Variants in LPP observed in about 807,000 individuals in gnomAD.
LPP encodes lipoma-preferred partner.
Under a neutral mutation model 60.4 loss-of-function variants are expected in LPP, and 38 were observed. The ratio of observed to expected loss-of-function variants is 0.63; its 90% confidence interval spans 0.49 to 0.83. The LOEUF (loss-of-function observed/expected upper bound fraction) is 0.83. Among genes scored for constraint, LPP ranks in the 40% least tolerant of loss-of-function variants. The pLI is 0.00. For synonymous variants in LPP, 328 were observed against 290.8 expected, an observed-to-expected ratio of 1.13 and a Z score of -1.30; for missense variants, 902 against 783.6, an observed-to-expected ratio of 1.15 and a Z score of -1.80.
At chr3:188,778,608 G>A (rs1738571303) in intron 9 of LPP, among the ~76,000 whole-genome samples, 1 of 152,134 alleles carries the variant, frequency 6.6e-6, no homozygotes, top group South Asian at 2.1e-4. Context: ...AATTGCTAGT[G>A]TACGTAGTAA....
At chr3:188,784,195 T>C (rs1199344572) in intron 9 of LPP, among the ~76,000 whole-genome samples, 1 of 151,730 alleles carries the variant, frequency 6.6e-6, no homozygotes, top group African/African-American at 2.4e-5. Flanking sequence ...CATTCCTGAG[T>C]TACTTCACTT....
At position 188,663,102 on chromosome 3, in the gene LPP, AAAAC is replaced by A. The variant is rs773065310; in HGVS notation, c.1114-45151_1114-45148del. Among the ~76,000 whole-genome samples, 163 of 152,328 alleles carry A rather than the reference AAAAC, an allele frequency of 1.1e-3. 2 individuals are homozygous for A. Among genetic ancestry groups the A allele is most frequent in the African/African-American group, 3.8e-3 (156 of 41,586 alleles). On this transcript the variant is annotated intron_variant, in intron 7 of 11. Transcript: ENST00000617246. The stretch of plus-strand genomic sequence containing the variant: ...GGGAAAGAAGAAACAAGTGGGGAGA[AAAAC>A]AAACAAACAAACATGATGAACTGTG...
intron 5 of LPP, among the ~76,000 whole-genome samples, chr3:188,504,471 T>C (rs1010685794): frequency 1.8e-4 from 27 of 152,310 alleles, no homozygotes; most frequent in African/African-American, 6.5e-4. Flanking sequence ...GAATAGACCG[T>C]GCTATCCTGT....
intron 1 of LPP, among the ~76,000 whole-genome samples, chr3:188,219,314 T>C (rs1313645029): frequency 6.6e-6 from 1 of 152,222 alleles, no homozygotes; most frequent in African/African-American, 2.4e-5. Context: ...GACTCTATCC[T>C]GTTCCCCATG....
chr3:188,163,183 G>A lies in LPP; in HGVS notation c.-190+8931G>A, dbSNP rs1179269730. Among the ~76,000 whole-genome samples, 3 of 152,090 alleles carry A rather than the reference G, an allele frequency of 2.0e-5. No homozygotes were observed. The South Asian group carries it at 6.2e-4, about 32-fold the overall frequency. ...TCTGCTTCTACTGTTGTAATTGCTTGTGTTGTGACTTTGCATCATAGCTGG... is the reference window on the plus strand; with the variant it reads ...TCTGCTTCTACTGTTGTAATTGCTTATGTTGTGACTTTGCATCATAGCTGG... On this transcript the variant is annotated intron_variant, in intron 1 of 11. Transcript: ENST00000617246.
chr3:188,408,499 T>A (rs1246071966), intron 4 of LPP, among the ~76,000 whole-genome samples: 1 of 152,200 alleles, frequency 6.6e-6, no homozygotes, highest in East Asian at 1.9e-4. Flanking sequence ...CCTCTCAACA[T>A]GCCACCCCAC....
intron 7 of LPP, among the ~76,000 whole-genome samples, chr3:188,629,126 T>G (rs1341205007): frequency 6.6e-6 from 1 of 152,132 alleles, no homozygotes; most frequent in Non-Finnish European, 1.5e-5. Context: ...GAACCATCTA[T>G]GTCAAACCCT....
intron 9 of LPP, among the ~76,000 whole-genome samples, chr3:188,846,513 G>C (rs28649489): frequency 6.6e-6 from 1 of 151,724 alleles, no homozygotes; most frequent in African/African-American, 2.4e-5. Context: ...ATGAAACCCC[G>C]TCTCTACTAA....
chr3:188,460,451 C>T (rs1480049700), intron 4 of LPP, among the ~76,000 whole-genome samples: 1 of 152,160 alleles, frequency 6.6e-6, no homozygotes, highest in African/African-American at 2.4e-5. Flanking sequence ...GAAAATCAGG[C>T]TTTGTCCCTT....
chr3:188,841,703 A>T (rs887586705), intron 9 of LPP, among the ~76,000 whole-genome samples: 4 of 152,154 alleles, frequency 2.6e-5, no homozygotes, highest in Non-Finnish European at 4.4e-5. Context: ...CTTGAAACAG[A>T]TGACTTAAAA....
rs142167846 is a variant in LPP, at chr3:188,388,331, A to G, written c.-9-17781A>G. On this transcript the variant is annotated intron_variant, in intron 3 of 11. Coordinates refer to ENST00000617246, the MANE Select transcript of LPP (RefSeq NM_001375462.1). ...TCACAGTTAGTACAACTCTCAGGTC[A>G]ATTATTCTTGAATTTTAACCAAAAA... Among the ~76,000 whole-genome samples the G allele has an allele frequency of 1.4e-3, 220 of 152,362 alleles. 1 individual carries two copies. The highest frequency in any genetic ancestry group is 2.9e-3 in the Non-Finnish European group (194 of 68,036).
chr3:188,301,566 T>C (rs925243332), intron 2 of LPP, among the ~76,000 whole-genome samples: 1 of 152,200 alleles, frequency 6.6e-6, no homozygotes, highest in Non-Finnish European at 1.5e-5. Flanking sequence ...TTAAGAAGGA[T>C]ATAATAAATT....
At chr3:188,563,311 A>C (rs1831182481) in intron 6 of LPP, among the ~76,000 whole-genome samples, 1 of 151,904 alleles carries the variant, frequency 6.6e-6, no homozygotes, top group South Asian at 2.1e-4. Flanking sequence ...GAAGTATATG[A>C]AGTTGAACAT....
intron 7 of LPP, among the ~76,000 whole-genome samples, chr3:188,631,628 T>C (rs1160233863): frequency 1.3e-5 from 2 of 152,182 alleles, no homozygotes; most frequent in Non-Finnish European, 2.9e-5. Flanking sequence ...TCTGTCTCTA[T>C]GCATTTTACT....
At chr3:188,529,181 C>T (rs1303214947) in intron 6 of LPP, among the ~76,000 whole-genome samples, 1 of 152,038 alleles carries the variant, frequency 6.6e-6, no homozygotes, top group Non-Finnish European at 1.5e-5. Context: ...GCTGTGAGAA[C>T]AATAATCACA....
intron 2 of LPP, among the ~76,000 whole-genome samples, chr3:188,338,027 A>G (rs1307066614): frequency 2.0e-5 from 3 of 152,224 alleles, no homozygotes; most frequent in Non-Finnish European, 4.4e-5. Context: ...GAGCCCTTAT[A>G]AATATAACAT....
intron 1 of LPP, among the ~76,000 whole-genome samples, chr3:188,165,478 T>C (rs948929297): frequency 4.6e-5 from 7 of 152,080 alleles, no homozygotes; most frequent in African/African-American, 1.7e-4. Flanking sequence ...CTTGAAAAAT[T>C]AGAGTCATGA....
At position 188,760,437 on chromosome 3, in the gene LPP, C is replaced by T. The variant is rs55675647; in HGVS notation, c.1410+155C>T. 0.13 allele frequency among the ~76,000 whole-genome samples: 4,018 copies of T among 30,440 alleles called. 148 individuals carry two copies. The highest frequency in any genetic ancestry group is 0.3 in the African/African-American group (3,417 of 11,458). 20.0% of individuals were successfully genotyped at this position (30,440 alleles called of 152,430 possible). ...GTGTGTGTGTGTGTGTGTGTGTGTG[C>T]GTGCGCGCATGTAAATTAGCATATT... On this transcript the variant is annotated intron_variant, in intron 9 of 11. Transcript: ENST00000617246.
intron 3 of LPP, among the ~76,000 whole-genome samples, chr3:188,391,456 T>A (rs543768753): frequency 1.1e-4 from 16 of 152,210 alleles, no homozygotes; most frequent in African/African-American, 3.9e-4. Context: ...CCCATAAGGA[T>A]CTTGAGGGAG....
Sources: allele counts gnomAD v4.1 joint callset (sites outside exome capture counted in the v4.1 genomes callset), GRCh38; gene constraint gnomAD v4.1.1; transcripts MANE v1.5; gene names NCBI Gene and HGNC (gene_info 2026-07-23, HGNC 2026-07-21).